Variants in FBXL2 observed in about 807,000 individuals in gnomAD.
FBXL2 encodes the protein F-box/LRR-repeat protein 2.
Under a neutral mutation model 69.2 loss-of-function variants are expected in FBXL2, and 38 were observed. The observed-to-expected ratio is 0.55, with a 90% confidence interval of 0.42 to 0.72. FBXL2 has a LOEUF of 0.72. FBXL2 is among the 30% of genes least tolerant of loss of function. FBXL2 has a pLI of 0.00. For missense variants in FBXL2, 354 were observed against 520.3 expected (o/e 0.68, Z 3.11); for synonymous variants, 192 against 201.3 (o/e 0.95, Z 0.39).
chr3:33,412,884 A>T, the FBXL2 span: 1 of 1,091,704 alleles, frequency 9.2e-7, no homozygotes, highest in Non-Finnish European at 1.4e-6. Context: ...AAAATGCAGG[A>T]CCATTTCTAC....
intron 2 of FBXL2, among the ~76,000 whole-genome samples, chr3:33,330,875 C>T (rs997441768): frequency 2.0e-5 from 3 of 151,184 alleles, no homozygotes; most frequent in Non-Finnish European, 2.9e-5. Context: ...GGCAACAGAA[C>T]GAGACTCTGT....
At chr3:33,289,021 A>T (rs937526661) in intron 1 of FBXL2, among the ~76,000 whole-genome samples, 2 of 152,142 alleles carry the variant, frequency 1.3e-5, no homozygotes, top group African/African-American at 4.8e-5. Flanking sequence ...ATTTGCTGAG[A>T]TGAAGACCAT....
At chr3:33,391,871 A>T (rs1021878761), downstream of FBXL2, 3 of 152,356 alleles carry the variant, frequency 2.0e-5, no homozygotes, top group African/African-American at 7.2e-5. Flanking sequence ...GTAAATCCGA[A>T]CTACCATCAT....
intron 1 of FBXL2, among the ~76,000 whole-genome samples, chr3:33,286,639 G>A (rs960272428): frequency 6.6e-6 from 1 of 152,236 alleles, no homozygotes; most frequent in African/African-American, 2.4e-5. Context: ...CCCAGAGGTG[G>A]AGTCTACAGA....
chr3:33,297,533 A>G, intron 1 of FBXL2, 131 bp from the exon 2 acceptor site: 2 of 599,970 alleles, frequency 3.3e-6, no homozygotes, highest in South Asian at 2.0e-5. Flanking sequence ...TGGTGGCTGC[A>G]TGAAATTAGT....
At chr3:33,379,315 A>G (rs113187488) in intron 13 of FBXL2, among the ~76,000 whole-genome samples, 90 of 151,974 alleles carry the variant, frequency 5.9e-4, no homozygotes, top group Non-Finnish European at 8.5e-4. Flanking sequence ...ATTAGCATCA[A>G]TTCTATACAC....
rs1361919937 is a variant in FBXL2, at chr3:33,302,533, A to C, written c.65+4808A>C. Among the ~76,000 whole-genome samples, 4 of 152,232 alleles carry C rather than the reference A, an allele frequency of 2.6e-5. No homozygotes were observed. The East Asian group carries it at 7.7e-4, about 29-fold the overall frequency. On this transcript the variant is annotated intron_variant, in intron 2 of 14. Coordinates refer to ENST00000484457, the MANE Select transcript of FBXL2 (RefSeq NM_012157.5). ...TGCTTTCAGATGTTAGTGATGAAGT[A>C]AAAGCACATGTAAAACCCCTCATAG...
chr3:33,396,796 A>C (rs2044013926), intron 12 of FBXL2: 1 of 650,274 alleles, frequency 1.5e-6, no homozygotes, highest in Admixed American at 2.1e-5. Context: ...TCTTCAAGAA[A>C]TCAGTACTGC....
chr3:33,285,224 A>G (rs1358878301), intron 1 of FBXL2, among the ~76,000 whole-genome samples: 1 of 152,200 alleles, frequency 6.6e-6, no homozygotes, highest in African/African-American at 2.4e-5. Flanking sequence ...GAGCTCTTGT[A>G]AGGCAGGCCT....
chr3:33,371,604 C>A (rs1265258625), intron 5 of FBXL2, among the ~76,000 whole-genome samples: 1 of 151,962 alleles, frequency 6.6e-6, no homozygotes. Context: ...GTTGTTTATG[C>A]TATTTGTGTC....
intron 1 of FBXL2, among the ~76,000 whole-genome samples, chr3:33,280,730 A>C (rs1013927270): frequency 6.6e-6 from 1 of 151,416 alleles, no homozygotes; most frequent in African/African-American, 2.4e-5. Context: ...AAAAAAAAAA[A>C]AAAGAAAAGA....
chr3:33,342,898 T>G (rs1389501206), intron 2 of FBXL2, among the ~76,000 whole-genome samples: 2 of 144,120 alleles, frequency 1.4e-5, no homozygotes, highest in Non-Finnish European at 3.0e-5. Context: ...CAGCTGTTTT[T>G]TTTTTTTTTT....
intron 5 of FBXL2, among the ~76,000 whole-genome samples, chr3:33,367,310 G>A (rs1183871528): frequency 1.3e-5 from 2 of 152,106 alleles, no homozygotes; most frequent in African/African-American, 4.8e-5. Flanking sequence ...TTGAAGTCCT[G>A]ACCTCAGGTG....
In FBXL2 at chr3:33,347,952, T is replaced by G. The variant is rs189997998; in HGVS notation, c.66-11015T>G. On this transcript the variant is annotated intron_variant, in intron 2 of 14. Transcript: ENST00000484457. ...TTGTCAGATGTGTAGTTTGCAAATATTTTTTCCCATCCTGTGGGTTTTCTC... is the reference window on the plus strand; with the variant it reads ...TTGTCAGATGTGTAGTTTGCAAATAGTTTTTCCCATCCTGTGGGTTTTCTC... Among the ~76,000 whole-genome samples, 210 of 152,266 alleles carry G rather than the reference T, an allele frequency of 1.4e-3. 1 individual carries two copies. Among genetic ancestry groups the G allele is most frequent in the Admixed American group, 3.0e-3 (46 of 15,282 alleles).
At chr3:33,358,004 C>T (rs1178579241) in intron 2 of FBXL2, among the ~76,000 whole-genome samples, 1 of 152,158 alleles carries the variant, frequency 6.6e-6, no homozygotes. Context: ...TTTTATGATT[C>T]TACTCTTCTT....
At chr3:33,336,037 C>T (rs181034015) in intron 2 of FBXL2, among the ~76,000 whole-genome samples, 23 of 152,186 alleles carry the variant, frequency 1.5e-4, no homozygotes, top group African/African-American at 5.3e-4. Flanking sequence ...GTTACAGATT[C>T]GAAACAATTT....
At position 33,372,940 on chromosome 3, in the gene FBXL2, T is replaced by A. The variant is rs950573236; in HGVS notation, c.291-152T>A. On this transcript the variant is annotated intron_variant, in intron 5 of 14. Transcript: ENST00000484457. ...GTCGAGCCCCATTCTAGATCTATCA[T>A]CAGAATCTGCACTGTGACAAGAACC... is the stretch of plus-strand genomic sequence containing the variant. 1.0e-5 allele frequency: 7 copies of A among 695,918 alleles called. No homozygotes were observed. In the African/African-American group the frequency reaches 1.2e-4, roughly 12 times the overall value. 43.1% of individuals were successfully genotyped at this position (695,918 alleles called of 1,614,324 possible). A position where few individuals can be genotyped will look rare whatever the true frequency, so the allele number is the denominator to read the frequency against.
At chr3:33,317,551 T>C (rs574120768) in intron 2 of FBXL2, 1 of 456,216 alleles carries the variant, frequency 2.2e-6, no homozygotes, top group East Asian at 6.9e-5. Context: ...ATCATTGTTT[T>C]GTAGCAATGA....
chr3:33,331,221 A>T (rs1384318294), intron 2 of FBXL2, among the ~76,000 whole-genome samples: 1 of 151,706 alleles, frequency 6.6e-6, no homozygotes, highest in Non-Finnish European at 1.5e-5. Context: ...GAATGGGACT[A>T]GCATGAAAGC....
Sources: gnomAD v4.1 joint callset for allele counts (sites outside exome capture counted in the v4.1 genomes callset) on GRCh38, gnomAD v4.1.1 for gene constraint, MANE v1.5 for transcripts, NCBI Gene and HGNC (gene_info 2026-07-23, HGNC 2026-07-21) for gene names.